The following DCLRE1C variants were observed in gnomAD, a reference collection of about 807,000 sequenced individuals.
DCLRE1C encodes DNA cross-link repair 1C.
DCLRE1C carries 47 observed loss-of-function variants against 61.4 expected under a neutral mutation model. The ratio of observed to expected loss-of-function variants is 0.77; its 90% CI spans 0.61 to 0.98. The LOEUF is 0.98. Among genes scored for constraint, DCLRE1C ranks in the 50% least tolerant of loss-of-function variants. The pLI, the probability that DCLRE1C is intolerant of heterozygous loss-of-function variation, is 0.00. For missense variants in DCLRE1C, 858 were observed against 816.0 expected (o/e 1.05, Z -0.63); for synonymous variants, 337 against 287.6 (o/e 1.17, Z -1.74).
At chr10:14,897,715 T>C (rs1360143658) in exon 14 of DCLRE1C, 2 of 391,706 alleles carry the variant, frequency 5.1e-6, no homozygotes, top group Admixed American at 4.3e-5. Context: ...ATAAAAAATA[T>C]ACGTTAAAAC....
intron 10 of DCLRE1C, among the ~76,000 whole-genome samples, chr10:14,927,698 G>C (rs1386580385): frequency 1.3e-5 from 2 of 151,278 alleles, no homozygotes; most frequent in African/African-American, 4.9e-5. Flanking sequence ...TTGTGATCAT[G>C]ATAGTCACTC....
Position 14,906,648 on chromosome 10 carries a change from A to G in DCLRE1C, c.*1760T>C, listed in dbSNP as rs1040534479. Among the ~76,000 whole-genome samples, 2 of 152,208 alleles carry G rather than the reference A, an allele frequency of 1.3e-5. No individual in the cohort carries two copies. The highest frequency in any genetic ancestry group is 4.8e-5 in the African/African-American group (2 of 41,448). Reference sequence around the variant, plus strand: ...TCCAATACTTTTTGGTCGGATTGCCATGCAGCATCATGATAATGCATATCA... The same window carrying G: ...TCCAATACTTTTTGGTCGGATTGCCGTGCAGCATCATGATAATGCATATCA... On this transcript the variant is annotated 3_prime_UTR_variant, in exon 14 of 14. Coordinates refer to ENST00000378278, the MANE Select transcript of DCLRE1C (RefSeq NM_001033855.3).
chr10:14,908,753 G>A lies in DCLRE1C; in HGVS notation c.1734C>T (p.Tyr578=), dbSNP rs755018546. 2.5e-6 allele frequency: 4 copies of A among 1,614,088 alleles called. No homozygotes were observed. Among genetic ancestry groups the A allele is most frequent in the South Asian group, 2.2e-5 (2 of 91,092 alleles). The change falls in exon 14 of 14, where the codon TAC becomes TAT. Residue 578 remains tyrosine (Y), a synonymous_variant. Coordinates refer to ENST00000378278, the MANE Select transcript of DCLRE1C (RefSeq NM_001033855.3). Reference sequence around the variant, plus strand: ...GAATATTCTCTTTGATTGTTGGTCTGTAGTCAGCTTTGTCCAAGGAAGTAA... The same window carrying A: ...GAATATTCTCTTTGATTGTTGGTCTATAGTCAGCTTTGTCCAAGGAAGTAA... The part of the protein sequence containing the change: ...GDITSLDKAD[Y]RPTIKENIPA...
At chr10:14,932,986 T>C in intron 8 of DCLRE1C, 31 bp from the exon 9 acceptor site, 7 of 1,604,710 alleles carry the variant, frequency 4.4e-6, no homozygotes, top group Non-Finnish European at 5.1e-6. Context: ...ATGCAAATTA[T>C]GTGAAATGTA....
rs67477083 is a variant in DCLRE1C, at chr10:14,925,225, TAAAAAAA to T, written c.972+1611_972+1617del. Among the ~76,000 whole-genome samples the T allele has an allele frequency of 7.9e-4, 86 of 109,326 alleles. 1 individual carries two copies. The highest frequency in any genetic ancestry group is 1.2e-3 in the South Asian group (4 of 3,338). The allele number at this position is 109,326 out of a possible 152,430, so 71.7% of individuals were successfully genotyped here. On this transcript the variant is annotated intron_variant, in intron 11 of 13. Transcript: ENST00000378278. ...AGACTTTTGAAGGGAATAAAGGATT[TAAAAAAA>T]AAAAAAAAAAAAAAAAGTAAAGTCA...
chr10:14,918,271 A>G (rs753732337), intron 13 of DCLRE1C, among the ~76,000 whole-genome samples: 18 of 152,242 alleles, frequency 1.2e-4, no homozygotes, highest in Non-Finnish European at 2.1e-4. Context: ...AACTTGTAGT[A>G]TATCCCTGAG....
chr10:14,907,478 A>ATTAATGTTCTGT lies in DCLRE1C; in HGVS notation c.*929_*930insACAGAACATTAA, dbSNP rs1388757511. On this transcript the variant is annotated 3_prime_UTR_variant, in exon 14 of 14. Coordinates refer to ENST00000378278, the MANE Select transcript of DCLRE1C (RefSeq NM_001033855.3). ...TATATTCTTACTGATTAATGTGTAT[A>ATTAATGTTCTGT]TACTAGTTCTGTTACTAAGGAGGGA... Among the ~76,000 whole-genome samples the ATTAATGTTCTGT allele has an allele frequency of 1.4e-4, 21 of 152,084 alleles. No individual in the cohort carries two copies. The highest frequency in any genetic ancestry group is 2.6e-4 in the Non-Finnish European group (18 of 68,034).
chr10:14,913,313 A>T (rs1835606766), intron 13 of DCLRE1C, among the ~76,000 whole-genome samples: 1 of 152,256 alleles, frequency 6.6e-6, no homozygotes, highest in South Asian at 2.1e-4. Flanking sequence ...AAAATTAGAT[A>T]GTGGGGATGA....
chr10:14,909,821 A>G (rs991712007), intron 13 of DCLRE1C, among the ~76,000 whole-genome samples: 2 of 152,310 alleles, frequency 1.3e-5, no homozygotes, highest in Non-Finnish European at 2.9e-5. Context: ...TTCTGTGAGC[A>G]TCTTATTGAC....
chr10:14,913,177 G>A (rs1247264931), intron 13 of DCLRE1C, among the ~76,000 whole-genome samples: 1 of 152,252 alleles, frequency 6.6e-6, no homozygotes, highest in African/African-American at 2.4e-5. Flanking sequence ...CTTATATGAA[G>A]TGTCCAGAAA....
chr10:14,898,069 T>C (rs1833713453), exon 14 of DCLRE1C: 1 of 150,506 alleles, frequency 6.6e-6, no homozygotes, highest in Admixed American at 6.6e-5. Context: ...GCAAATTTAT[T>C]TGTATACAAA....
Position 14,909,253 on chromosome 10 carries a change from G to A in DCLRE1C, c.1234C>T (p.His412Tyr), listed in dbSNP as rs1023122829. ...RHKVPYPETF[H>Y]PEVFSMTAVS... The stretch of plus-strand genomic sequence containing the variant: ...GCAGTCATTGAAAATACCTCAGGGT[G>A]AAAAGTTTCCGGGTATGGAACTTTG... Residue 412 changes from histidine (H) to tyrosine (Y), a missense_variant, in exon 14 of 14, where the codon CAC becomes TAC. Coordinates refer to ENST00000378278, the MANE Select transcript of DCLRE1C (RefSeq NM_001033855.3). 2.5e-6 allele frequency: 4 copies of A among 1,613,722 alleles called. No homozygotes were observed. The highest frequency in any genetic ancestry group is 1.1e-5 in the South Asian group (1 of 90,964).
intron 5 of DCLRE1C, 55 bp downstream of exon 5, chr10:14,936,483 C>G: frequency 6.9e-7 from 1 of 1,440,366 alleles, no homozygotes; most frequent in Non-Finnish European, 9.7e-7. Flanking sequence ...TTTATTTCTA[C>G]AAATACAATA....
intron 13 of DCLRE1C, chr10:14,911,401 T>C (rs1385381730): frequency 6.6e-6 from 1 of 152,136 alleles, no homozygotes; most frequent in Non-Finnish European, 1.5e-5. Flanking sequence ...AGAACAAAGC[T>C]CAAGAATGTT....
At chr10:14,920,869 C>A (rs1836984090) in intron 12 of DCLRE1C, among the ~76,000 whole-genome samples, 1 of 151,862 alleles carries the variant, frequency 6.6e-6, no homozygotes, top group East Asian at 1.9e-4. Flanking sequence ...GGAATCACAA[C>A]TACTCACAAG....
chr10:14,938,583 G>A (rs1840359186), intron 4 of DCLRE1C, among the ~76,000 whole-genome samples: 1 of 152,070 alleles, frequency 6.6e-6, no homozygotes, highest in African/African-American at 2.4e-5. Flanking sequence ...CCTACCAGCT[G>A]TAAAGGTTAA....
At chr10:14,936,831 G>A (rs1228138578) in intron 4 of DCLRE1C, among the ~76,000 whole-genome samples, 2 of 152,100 alleles carry the variant, frequency 1.3e-5, no homozygotes, top group African/African-American at 2.4e-5. Flanking sequence ...AGCGAAAACC[G>A]ATGGCCACAC....
In DCLRE1C at chr10:14,905,426, C is replaced by G. The variant is rs1354311367; in HGVS notation, c.*2982G>C. 6.6e-6 allele frequency among the ~76,000 whole-genome samples: 1 copy of G among 152,144 alleles called. No homozygotes were observed. The highest frequency in any genetic ancestry group is 1.5e-5 in the Non-Finnish European group (1 of 68,020). On this transcript the variant is annotated 3_prime_UTR_variant, in exon 14 of 14. Coordinates refer to ENST00000378278, the MANE Select transcript of DCLRE1C (RefSeq NM_001033855.3). Reference sequence around the variant, plus strand: ...GAATTCAGAGCTCATATTCATTGACCCAGTCTTTTATGCCTTTTATATGTA... The same window carrying G: ...GAATTCAGAGCTCATATTCATTGACGCAGTCTTTTATGCCTTTTATATGTA...
Position 14,953,936 on chromosome 10 carries a change from C to A in DCLRE1C, c.75G>T (p.Arg25Ser). 1 of 1,614,038 alleles carries A rather than the reference C, an allele frequency of 6.2e-7. No individual in the cohort carries two copies. The highest frequency in any genetic ancestry group is 1.1e-5 in the South Asian group (1 of 91,082). The change falls in exon 1 of 14, where the codon AGG (arginine) becomes AGT (serine). Residue 25 changes from arginine (R) to serine (S), a missense_variant. Arg to Ser is a moderately radical substitution (Grantham distance 110). Coordinates refer to ENST00000378278, the MANE Select transcript of DCLRE1C (RefSeq NM_001033855.3). ...SIDRFDRENL[R>S]ARAYFLSHCH... The stretch of plus-strand genomic sequence containing the variant: ...AGTGGGACAGGAAGTAGGCGCGGGC[C>A]CTCAGGTTCTCCCTATCGAAGCGGT...
Sources: allele counts gnomAD v4.1 joint callset (sites outside exome capture counted in the v4.1 genomes callset), GRCh38; gene constraint gnomAD v4.1.1; transcripts MANE v1.5; gene names NCBI Gene and HGNC (gene_info 2026-07-23, HGNC 2026-07-21).